PANK2: variants seen among roughly 807,000 people sequenced by gnomAD.
PANK2 encodes pantothenate kinase 2, also known as pantothenate kinase 2, mitochondrial.
In PANK2, 36 loss-of-function variants were observed where a neutral mutation model predicts 43.1. The ratio of observed to expected loss-of-function variants is 0.84; its 90% CI spans 0.64 to 1.10. The LOEUF (loss-of-function observed/expected upper bound fraction) is 1.10. Among genes scored for constraint, PANK2 ranks in the 50% least tolerant of loss-of-function variants. The probability of loss-of-function intolerance (pLI) is 0.00; values close to 1 mark genes in which losing one functional copy is unlikely to be tolerated. For missense variants in PANK2, 576 were observed against 593.3 expected, an observed-to-expected ratio of 0.97 and a Z score of 0.30; for synonymous variants, 281 against 238.2, an observed-to-expected ratio of 1.18 and a Z score of -1.66.
At chr20:3,889,236 G>A, upstream of PANK2, 2 of 1,613,276 alleles carry the variant, frequency 1.2e-6, no homozygotes, top group South Asian at 2.2e-5. Flanking sequence ...GCCCCGTCAC[G>A]ATAGCCTCTC....
chr20:3,905,229 A>G lies in PANK2; in HGVS notation c.299-2697A>G, dbSNP rs182097614. On this transcript the variant is annotated intron_variant, in intron 1 of 6. Coordinates refer to ENST00000610179, the MANE Select transcript of PANK2 (RefSeq NM_001386393.1). ...TAGCCGCCCTGAACCTACGGCTTGG[A>G]TAGAATACCCCTACGTTCTCTCTCT... Among the ~76,000 whole-genome samples, 258 of 152,154 alleles carry G rather than the reference A, an allele frequency of 1.7e-3. 2 individuals carry two copies. Among genetic ancestry groups the G allele is most frequent in the African/African-American group, 6.0e-3 (248 of 41,490 alleles).
rs775082620 is a variant in PANK2, at chr20:3,908,152, A to T, written c.525A>T (p.Ile175=). The change falls in exon 2 of 7, where the codon ATA becomes ATT. Residue 175 remains isoleucine, a synonymous_variant. Coordinates refer to ENST00000610179, the MANE Select transcript of PANK2 (RefSeq NM_001386393.1). ...GACGCAAAGGCAATCTGCACTTTAT[A>T]CGCTTTCCCACTCATGACATGCCTG... 1.2e-6 allele frequency: 2 copies of T among 1,614,172 alleles called. No homozygotes were observed. The highest frequency in any genetic ancestry group is 1.7e-6 in the Non-Finnish European group (2 of 1,179,996).
intron 1 of PANK2, among the ~76,000 whole-genome samples, chr20:3,895,999 G>A (rs143325878): frequency 6.6e-6 from 1 of 151,988 alleles, no homozygotes; most frequent in African/African-American, 2.4e-5. Flanking sequence ...ACCATCTGTG[G>A]TCTGGTAAAA....
chr20:3,919,033 A>G (rs1056184107), intron 6 of PANK2, among the ~76,000 whole-genome samples: 1 of 152,138 alleles, frequency 6.6e-6, no homozygotes, highest in Non-Finnish European at 1.5e-5. Flanking sequence ...CAGTCTCTTA[A>G]GTAGCTGGGA....
intron 1 of PANK2, 30 bp downstream of exon 1, chr20:3,889,758 C>A (rs3737085): frequency 6.3e-7 from 1 of 1,578,144 alleles, no homozygotes; most frequent in South Asian, 1.1e-5. Context: ...CCCTCCCGGC[C>A]CGCCCTGCCC....
chr20:3,927,304 A>G lies in PANK2; in HGVS notation c.*4010A>G, dbSNP rs543277407. On this transcript the variant is annotated 3_prime_UTR_variant, in exon 7 of 7. Transcript: ENST00000610179. ...TCCCTCTGTTCAAAGGCATATGCACAACACTATTTTTCAAAATTTGCTTTT... is the reference window on the plus strand; with the variant it reads ...TCCCTCTGTTCAAAGGCATATGCACGACACTATTTTTCAAAATTTGCTTTT... 6.6e-5 allele frequency: 10 copies of G among 152,334 alleles called. No homozygotes were observed. In the South Asian group the frequency reaches 2.1e-3, roughly 32 times the overall value. The allele number at this position is 152,334 out of a possible 1,614,324, so 9.4% of individuals were successfully genotyped here.
At chr20:3,922,761 C>G (rs2090666040) in intron 6 of PANK2, among the ~76,000 whole-genome samples, 1 of 152,156 alleles carries the variant, frequency 6.6e-6, no homozygotes, top group Admixed American at 6.5e-5. Flanking sequence ...CATCTTATCT[C>G]TTACTCTCCC....
chr20:3,922,536 A>G (rs1225599229), intron 6 of PANK2, among the ~76,000 whole-genome samples: 3 of 151,858 alleles, frequency 2.0e-5, no homozygotes, highest in African/African-American at 4.8e-5. Context: ...GGTGGTTTTC[A>G]TTCCTGTGCC....
upstream of PANK2, chr20:3,888,940 ACCAGCG>A: frequency 5.0e-6 from 3 of 596,316 alleles, no homozygotes; most frequent in East Asian, 2.9e-5. Flanking sequence ...TCTGCCGACG[ACCAGCG>A]GCCAGACGCT....
At chr20:3,913,626 C>T (rs550701204) in intron 4 of PANK2, among the ~76,000 whole-genome samples, 26 of 152,032 alleles carry the variant, frequency 1.7e-4, no homozygotes, top group South Asian at 1.2e-3. Flanking sequence ...TGAGCCACCG[C>T]GCCCGGCTGC....
In PANK2 at chr20:3,928,879, C is replaced by G. The variant is rs549616360; in HGVS notation, c.*5585C>G. The G allele has an allele frequency of 2.0e-5, 3 of 149,774 alleles. No individual in the cohort carries two copies. The highest frequency in any genetic ancestry group is 4.4e-5 in the Non-Finnish European group (3 of 67,670). The allele number at this position is 149,774 out of a possible 1,614,324, so 9.3% of individuals were successfully genotyped here. On this transcript the variant is annotated 3_prime_UTR_variant, in exon 7 of 7. Coordinates refer to ENST00000610179, the MANE Select transcript of PANK2 (RefSeq NM_001386393.1). ...CTTGTGTGTTTTTTTGAGACGGAGT[C>G]TCGCTCTGTTGCCCAGGCTGGAGTG...
chr20:3,893,590 A>G (rs1233642013), intron 1 of PANK2, among the ~76,000 whole-genome samples: 3 of 152,194 alleles, frequency 2.0e-5, no homozygotes, highest in Non-Finnish European at 4.4e-5. Flanking sequence ...TCCTTTGAAG[A>G]TGACTCGCAA....
In PANK2 at chr20:3,927,416, A is replaced by G. The variant is rs1384283538; in HGVS notation, c.*4122A>G. 3 of 152,242 alleles carry G rather than the reference A, an allele frequency of 2.0e-5. No homozygotes were observed. Among genetic ancestry groups the G allele is most frequent in the African/African-American group, 7.2e-5 (3 of 41,460 alleles). The allele number at this position is 152,242 out of a possible 1,614,324, so 9.4% of individuals were successfully genotyped here. On this transcript the variant is annotated 3_prime_UTR_variant, in exon 7 of 7. Coordinates refer to ENST00000610179, the MANE Select transcript of PANK2 (RefSeq NM_001386393.1). ...ATTAAAATTTTAAAATAGCAATTAA[A>G]TATACAAAAATATAGCTTACAAAAA...
rs191815825 is a variant in PANK2, at chr20:3,898,087, C to T, written c.298+8359C>T. On this transcript the variant is annotated intron_variant, in intron 1 of 6. Coordinates refer to ENST00000610179, the MANE Select transcript of PANK2 (RefSeq NM_001386393.1). Reference sequence around the variant, plus strand: ...GTTGAGATAATCATGATTTTTTTCCCTTCATCTTACTAATTGGAATTTCTA... The same window carrying T: ...GTTGAGATAATCATGATTTTTTTCCTTTCATCTTACTAATTGGAATTTCTA... 3.9e-5 allele frequency among the ~76,000 whole-genome samples: 6 copies of T among 151,994 alleles called. No homozygotes were observed. The East Asian group carries it at 1.2e-3, about 29-fold the overall frequency.
chr20:3,891,073 A>G (rs749300122), intron 1 of PANK2, among the ~76,000 whole-genome samples: 29 of 152,138 alleles, frequency 1.9e-4, no homozygotes, highest in Non-Finnish European at 3.8e-4. Context: ...ACTTTGAGAC[A>G]GCGTCTTGTT....
intron 1 of PANK2, among the ~76,000 whole-genome samples, chr20:3,902,310 G>A (rs1177795559): frequency 6.6e-6 from 1 of 151,642 alleles, no homozygotes; most frequent in Non-Finnish European, 1.5e-5. Context: ...GTGACTACAG[G>A]TGTGCGCCTG....
intron 4 of PANK2, among the ~76,000 whole-genome samples, chr20:3,913,762 A>G (rs962741763): frequency 2.2e-5 from 2 of 92,218 alleles, no homozygotes; most frequent in South Asian, 4.6e-4. Context: ...GTATGTATGC[A>G]CACACACACA....
In PANK2 at chr20:3,927,770, T is replaced by A. The variant is rs762434194; in HGVS notation, c.*4476T>A. 4 of 152,202 alleles carry A rather than the reference T, an allele frequency of 2.6e-5. No individual in the cohort carries two copies. Among genetic ancestry groups the A allele is most frequent in the Admixed American group, 6.5e-5 (1 of 15,274 alleles). 9.4% of individuals were successfully genotyped at this position (152,202 alleles called of 1,614,324 possible). ...GGAACGGTGTGCAGTGGGCGTGAGA[T>A]GCAGATCCACCAGGCTTGGGACTGG... On this transcript the variant is annotated 3_prime_UTR_variant, in exon 7 of 7. Coordinates refer to ENST00000610179, the MANE Select transcript of PANK2 (RefSeq NM_001386393.1).
rs145044502 is a variant in PANK2 at position 3,891,953 on chromosome 20, A to G, written c.298+2225A>G. Among the ~76,000 whole-genome samples, 672 of 152,338 alleles carry G rather than the reference A, an allele frequency of 4.4e-3. 6 individuals are homozygous for G. The highest frequency in any genetic ancestry group is 0.023 in the Admixed American group (355 of 15,294). On this transcript the variant is annotated intron_variant, in intron 1 of 6. Transcript: ENST00000610179. ...ATAAATCATGAAAACCCATCTTTCC[A>G]GTATAAGACCTGCTAAAGGAATGAA...
Sources: allele counts gnomAD v4.1 joint callset (sites outside exome capture counted in the v4.1 genomes callset), GRCh38; gene constraint gnomAD v4.1.1; transcripts MANE v1.5; gene names NCBI Gene and HGNC (gene_info 2026-07-23, HGNC 2026-07-21).